SPMAP2L: variants seen among roughly 807,000 people sequenced by gnomAD.
The protein encoded by SPMAP2L is sperm microtubule associated protein 2-like.
the SPMAP2L span, among the ~76,000 whole-genome samples, chr4:56,552,224 T>G: frequency 6.6e-6 from 1 of 152,244 alleles, no homozygotes; most frequent in Non-Finnish European, 1.5e-5. Context: ...CACCAAGCCA[T>G]CTACAAATGA....
the SPMAP2L span, among the ~76,000 whole-genome samples, chr4:56,614,731 G>A: frequency 2.6e-5 from 4 of 152,242 alleles, no homozygotes; most frequent in South Asian, 8.3e-4. Context: ...ACACTTCTGA[G>A]TACAGGCATG....
At chr4:56,532,149 T>C in the SPMAP2L span, among the ~76,000 whole-genome samples, 1 of 152,228 alleles carries the variant, frequency 6.6e-6, no homozygotes, top group Non-Finnish European at 1.5e-5. Flanking sequence ...CCTTAGTAAG[T>C]TGGTTTTCCC....
the SPMAP2L span, among the ~76,000 whole-genome samples, chr4:56,590,818 A>G: frequency 2.6e-5 from 4 of 152,138 alleles, no homozygotes; most frequent in Non-Finnish European, 4.4e-5. Flanking sequence ...TATTTCTTTC[A>G]TTTTCCCAGA....
At chr4:56,531,611 T>C in the SPMAP2L span, among the ~76,000 whole-genome samples, 1 of 152,340 alleles carries the variant, frequency 6.6e-6, no homozygotes, top group East Asian at 1.9e-4. Context: ...TTTTCGTCAG[T>C]GTTTGGCATA....
the SPMAP2L span, among the ~76,000 whole-genome samples, chr4:56,550,562 A>T: frequency 3.6e-4 from 55 of 152,180 alleles, no homozygotes; most frequent in African/African-American, 1.3e-3. Flanking sequence ...TCAAAATACC[A>T]CAGTACTTAA....
chr4:56,568,975 G>C, the SPMAP2L span, among the ~76,000 whole-genome samples: 1 of 152,274 alleles, frequency 6.6e-6, no homozygotes, highest in Non-Finnish European at 1.5e-5. Flanking sequence ...CATCTGTGTT[G>C]TAGCATGTAT....
the SPMAP2L span, among the ~76,000 whole-genome samples, chr4:56,583,634 A>G: frequency 1.6e-4 from 25 of 152,322 alleles, 1 homozygote; most frequent in South Asian, 5.2e-3. Context: ...GCAGCCTATG[A>G]AAATTGGCCA....
the SPMAP2L span, among the ~76,000 whole-genome samples, chr4:56,620,462 C>T: frequency 1.3e-5 from 2 of 151,460 alleles, no homozygotes; most frequent in Non-Finnish European, 2.9e-5. Flanking sequence ...TCTCAGCTCA[C>T]CGCAACCTCC....
the SPMAP2L span, among the ~76,000 whole-genome samples, chr4:56,582,231 T>G: frequency 1.3e-5 from 2 of 152,054 alleles, no homozygotes; most frequent in South Asian, 4.1e-4. Context: ...TTTTATGCAT[T>G]AAAGGACACT....
chr4:56,603,186 G>C, the SPMAP2L span: 5 of 1,475,050 alleles, frequency 3.4e-6, no homozygotes, highest in Non-Finnish European at 4.5e-6. Flanking sequence ...ATTTCAGGTT[G>C]ATTTCTTTTT....
At chr4:56,602,984 G>A in the SPMAP2L span, among the ~76,000 whole-genome samples, 3 of 152,174 alleles carry the variant, frequency 2.0e-5, no homozygotes, top group African/African-American at 7.2e-5. Flanking sequence ...TGGGGAAAGA[G>A]AAAAGGTTTT....
chr4:56,540,664 G>A, the SPMAP2L span, among the ~76,000 whole-genome samples: 1 of 152,078 alleles, frequency 6.6e-6, no homozygotes, highest in Non-Finnish European at 1.5e-5. Context: ...GAGAAAGAAA[G>A]AAAGAAAAGA....
At chr4:56,579,281 GA>G in the SPMAP2L span, among the ~76,000 whole-genome samples, 5 of 152,192 alleles carry the variant, frequency 3.3e-5, no homozygotes, top group African/African-American at 1.2e-4. Flanking sequence ...CCAGTTCAAT[GA>G]AATTGGAAAC....
the SPMAP2L span, chr4:56,594,564 A>G: frequency 1.2e-6 from 2 of 1,606,116 alleles, no homozygotes; most frequent in Non-Finnish European, 1.7e-6. Flanking sequence ...TTAAACCAGA[A>G]AGGAGAGGGG....
At chr4:56,607,932 G>T in the SPMAP2L span, among the ~76,000 whole-genome samples, 1 of 150,506 alleles carries the variant, frequency 6.6e-6, no homozygotes, top group Admixed American at 6.6e-5. Context: ...AGTTGAGGTT[G>T]CAGTGAGCCA....
the SPMAP2L span, among the ~76,000 whole-genome samples, chr4:56,559,225 C>T: frequency 6.8e-5 from 10 of 147,090 alleles, no homozygotes; most frequent in Middle Eastern, 3.5e-3. Context: ...CACTTGAATC[C>T]GGGAGGCAGA....
At chr4:56,594,893 G>A in the SPMAP2L span, 2 of 1,611,182 alleles carry the variant, frequency 1.2e-6, no homozygotes, top group Non-Finnish European at 1.7e-6. Flanking sequence ...CTTTGGGTCT[G>A]ATGTCTCGCA....
chr4:56,623,037 G>T, the SPMAP2L span, among the ~76,000 whole-genome samples: 1 of 152,156 alleles, frequency 6.6e-6, no homozygotes, highest in Non-Finnish European at 1.5e-5. Flanking sequence ...CTGCTAGGAT[G>T]TGTTCTTTTC....
chr4:56,536,111 C>T, the SPMAP2L span, among the ~76,000 whole-genome samples: 1 of 152,268 alleles, frequency 6.6e-6, no homozygotes, highest in Non-Finnish European at 1.5e-5. Context: ...CCACTCACCT[C>T]CTGCTGTGTA....
Sources: gnomAD v4.1 joint callset for allele counts (sites outside exome capture counted in the v4.1 genomes callset) on GRCh38, gnomAD v4.1.1 for gene constraint, MANE v1.5 for transcripts, NCBI Gene and HGNC (gene_info 2026-07-23, HGNC 2026-07-21) for gene names.